Variants in RAD51C observed in about 807,000 individuals in gnomAD.
RAD51C encodes DNA repair protein RAD51 homolog 3.
A neutral mutation model predicts 45.0 loss-of-function variants in RAD51C; 42 were observed. The observed-to-expected ratio is 0.93, with a 90% CI of 0.73 to 1.21. The LOEUF (loss-of-function observed/expected upper bound fraction) is 1.21. Ranked by LOEUF, RAD51C falls within the 50% of genes most tolerant of loss-of-function variation. The pLI is 0.00. For synonymous variants in RAD51C, 172 were observed against 159.8 expected, an observed-to-expected ratio of 1.08 and a Z score of -0.58; for missense variants, 474 against 452.2, an observed-to-expected ratio of 1.05 and a Z score of -0.44.
rs188314388 is a variant in RAD51C, at chr17:58,720,426, A to G, written c.838-320A>G. Among the ~76,000 whole-genome samples, 7 of 148,178 alleles carry G rather than the reference A, an allele frequency of 4.7e-5. No individual in the cohort carries two copies. In the East Asian group the frequency reaches 1.4e-3, roughly 29 times the overall value. Reference sequence around the variant, plus strand: ...GCGAGACTCTGTCTCAAAAAAAAAAATAAAATAAAAAATAAAATCACAAGA... The same window carrying G: ...GCGAGACTCTGTCTCAAAAAAAAAAGTAAAATAAAAAATAAAATCACAAGA... On this transcript the variant is annotated intron_variant, in intron 5 of 8. Coordinates refer to ENST00000337432, the MANE Select transcript of RAD51C (RefSeq NM_058216.3).
intron 7 of RAD51C, among the ~76,000 whole-genome samples, chr17:58,729,825 G>A (rs1377778437): frequency 6.6e-6 from 1 of 152,046 alleles, no homozygotes. Flanking sequence ...GCCCACCTCA[G>A]CCTCCCAAAG....
At chr17:58,726,163 G>T (rs116982551) in intron 7 of RAD51C, among the ~76,000 whole-genome samples, 1,700 of 151,452 alleles carry the variant, frequency 0.011, 21 homozygotes, top group Non-Finnish European at 0.017. Context: ...ATTTTAGTGA[G>T]TGCTTGCTTG....
In RAD51C at chr17:58,697,308, C is replaced by T. The variant is rs374072139; in HGVS notation, c.571+449C>T. Among the ~76,000 whole-genome samples, 38 of 152,130 alleles carry T rather than the reference C, an allele frequency of 2.5e-4. 1 individual carries two copies. The East Asian group carries it at 5.8e-3, about 23-fold the overall frequency. ...ATCCCAGCCCTTTGGGAGGCCAAGG[C>T]GGGTGGATCACGAGGTCAGGAGTTC... On this transcript the variant is annotated intron_variant, in intron 3 of 8. Transcript: ENST00000337432.
intron 7 of RAD51C, among the ~76,000 whole-genome samples, chr17:58,730,164 CTTT>C (rs35483724): frequency 4.9e-5 from 6 of 121,902 alleles, no homozygotes; most frequent in Admixed American, 8.8e-5. Flanking sequence ...CACAGCTGTT[CTTT>C]TTTTTTTTTT....
intron 8 of RAD51C, among the ~76,000 whole-genome samples, chr17:58,733,101 C>T (rs554144776): frequency 1.2e-4 from 19 of 152,164 alleles, no homozygotes; most frequent in South Asian, 1.2e-3. Context: ...CTGCAGCCTC[C>T]GCCCTACTGG....
intron 7 of RAD51C, among the ~76,000 whole-genome samples, chr17:58,726,120 CTTATTT>C (rs1215961117): frequency 3.4e-5 from 5 of 149,112 alleles, no homozygotes; most frequent in Non-Finnish European, 7.4e-5. Flanking sequence ...TTTTTTAATT[CTTATTT>C]TTATTTTATT....
chr17:58,720,930 G>C, intron 6 of RAD51C, 118 bp downstream of exon 6: 1 of 844,290 alleles, frequency 1.2e-6, no homozygotes, highest in Admixed American at 2.1e-5. Flanking sequence ...CTTGTTCACT[G>C]GTTAATCTTA....
chr17:58,696,453 T>C (rs1008742909), intron 2 of RAD51C, among the ~76,000 whole-genome samples: 1 of 152,074 alleles, frequency 6.6e-6, no homozygotes, highest in African/African-American at 2.4e-5. Flanking sequence ...TAAAATAAAA[T>C]AAAATATCCT....
At position 58,734,590 on chromosome 17, in the gene RAD51C, T is replaced by G. The variant is rs954745161; in HGVS notation, c.*368T>G. ...GAAACATATCATATTCTTATTGTGT[T>G]TTTTTTTTTTTTTTTTTTTTTGGAG... On this transcript the variant is annotated 3_prime_UTR_variant, in exon 9 of 9. Transcript: ENST00000337432. 3.7e-4 allele frequency: 22 copies of G among 58,904 alleles called. No homozygotes were observed. The highest frequency in any genetic ancestry group is 3.5e-3 in the South Asian group (11 of 3,156). The allele number at this position is 58,904 out of a possible 1,614,324, so 3.6% of individuals were successfully genotyped here. A position where few individuals can be genotyped will look rare whatever the true frequency, so the allele number is the denominator to read the frequency against.
At chr17:58,720,721 A>C in intron 5 of RAD51C, 25 bp from the exon 6 acceptor site, 1 of 1,570,522 alleles carries the variant, frequency 6.4e-7, no homozygotes, top group Non-Finnish European at 8.8e-7. Context: ...GACTCACCTA[A>C]TTTTCTTACA....
rs571721873 is a variant in RAD51C, at chr17:58,702,410, CG to C, written c.572-783del. Among the ~76,000 whole-genome samples the C allele has an allele frequency of 6.6e-5, 10 of 152,014 alleles. No homozygotes were observed. The South Asian group carries it at 1.9e-3, about 28-fold the overall frequency. On this transcript the variant is annotated intron_variant, in intron 3 of 8. Transcript: ENST00000337432. ...AAAATGTGAAAATAATAGATCAGGT[CG>C]GGTGTGGTGGTTCATGCCTGTAATC...
chr17:58,703,320 A>G lies in RAD51C; in HGVS notation c.696A>G (p.Glu232=), dbSNP rs786201177. 2.5e-6 allele frequency: 4 copies of G among 1,612,134 alleles called. No individual in the cohort carries two copies. The highest frequency in any genetic ancestry group is 3.4e-6 in the Non-Finnish European group (4 of 1,178,502). The change falls in exon 4 of 9, where the codon GAA becomes GAG. Residue 232 remains glutamate, a synonymous_variant. Coordinates refer to ENST00000337432, the MANE Select transcript of RAD51C (RefSeq NM_058216.3). ...QVYLLPDFLS[E]HSKVRLVIVD... ...ATCTTCTTCCAGATTTCCTTTCAGA[A>G]CACTCAAAGGTATGAGTCAGACTAC...
At position 58,699,446 on chromosome 17, in the gene RAD51C, AT is replaced by A. The variant is rs1008416681; in HGVS notation, c.571+2598del. Among the ~76,000 whole-genome samples, 43 of 145,648 alleles carry A rather than the reference AT, an allele frequency of 3.0e-4. 1 individual carries two copies. Among genetic ancestry groups the A allele is most frequent in the Admixed American group, 4.1e-4 (6 of 14,532 alleles). ...CCTTTAAATGAGTGTAGTCAGCTGG[AT>A]TTTTTTTTTTCATGGAGGTACTAAG... On this transcript the variant is annotated intron_variant, in intron 3 of 8. Coordinates refer to ENST00000337432, the MANE Select transcript of RAD51C (RefSeq NM_058216.3).
At chr17:58,712,973 A>C (rs990042001) in intron 5 of RAD51C, among the ~76,000 whole-genome samples, 3 of 152,158 alleles carry the variant, frequency 2.0e-5, no homozygotes, top group Admixed American at 2.0e-4. Context: ...TTTTTAAAAA[A>C]ATCTTAGCCA....
chr17:58,730,196 GCC>G (rs2049359255), intron 7 of RAD51C, among the ~76,000 whole-genome samples: 1 of 122,136 alleles, frequency 8.2e-6, no homozygotes, highest in Non-Finnish European at 1.7e-5. Context: ...ATGGAGTCTC[GCC>G]CTGTCGCCCA....
chr17:58,705,350 G>A (rs372378649), intron 4 of RAD51C, among the ~76,000 whole-genome samples: 5 of 150,898 alleles, frequency 3.3e-5, no homozygotes, highest in African/African-American at 9.7e-5. Flanking sequence ...TTTTTGGGGG[G>A]GGGGTGGAGT....
intron 2 of RAD51C, among the ~76,000 whole-genome samples, chr17:58,696,337 G>A (rs1435197449): frequency 6.6e-6 from 1 of 152,170 alleles, no homozygotes; most frequent in Non-Finnish European, 1.5e-5. Flanking sequence ...GGCAGCTGAG[G>A]CAGGAGAATG....
intron 4 of RAD51C, among the ~76,000 whole-genome samples, chr17:58,704,057 T>C (rs968832305): frequency 7.0e-6 from 1 of 143,476 alleles, no homozygotes; most frequent in African/African-American, 2.6e-5. Context: ...TGCCTGGCCC[T>C]TTAATTTTGG....
At chr17:58,732,201 T>A (rs1598534003) in intron 7 of RAD51C, 1 of 311,230 alleles carries the variant, frequency 3.2e-6, no homozygotes, top group East Asian at 6.5e-5. Context: ...TCTTCCACGT[T>A]TAGTTTTTAG....
Sources: gnomAD v4.1 joint callset for allele counts (sites outside exome capture counted in the v4.1 genomes callset) on GRCh38, gnomAD v4.1.1 for gene constraint, MANE v1.5 for transcripts, NCBI Gene and HGNC (gene_info 2026-07-23, HGNC 2026-07-21) for gene names.